The following GALNT14 variants were observed in gnomAD, a reference collection of about 807,000 sequenced individuals.
The protein encoded by GALNT14 is polypeptide N-acetylgalactosaminyltransferase 14.
Under a neutral mutation model 77.5 loss-of-function variants are expected in GALNT14, and 60 were observed. The observed-to-expected ratio is 0.77, with a 90% CI of 0.63 to 0.96. GALNT14 has a LOEUF of 0.96. Among genes scored for constraint, GALNT14 ranks in the 40% least tolerant of loss-of-function variants. GALNT14 has a pLI of 0.00. For synonymous variants in GALNT14, 280 were observed against 281.7 expected (o/e 0.99, Z 0.06); for missense variants, 710 against 731.0 (o/e 0.97, Z 0.33).
At chr2:30,937,987 C>T (rs1024267637) in intron 9 of GALNT14, among the ~76,000 whole-genome samples, 1 of 152,100 alleles carries the variant, frequency 6.6e-6, no homozygotes, top group African/African-American at 2.4e-5. Context: ...AGGATTTAAA[C>T]TGAGGCTTAC....
chr2:31,046,316 T>C (rs1472045521), intron 1 of GALNT14, among the ~76,000 whole-genome samples: 1 of 149,604 alleles, frequency 6.7e-6, no homozygotes, highest in Non-Finnish European at 1.5e-5. Context: ...AACCTCCACC[T>C]CCTGGGTTCA....
intron 13 of GALNT14, among the ~76,000 whole-genome samples, chr2:30,921,196 C>T (rs1451070262): frequency 6.6e-6 from 1 of 152,132 alleles, no homozygotes. Context: ...AGAGACCTGG[C>T]TCCTCTTCTC....
At chr2:30,965,109 G>C (rs949856439) in intron 3 of GALNT14, among the ~76,000 whole-genome samples, 1 of 152,080 alleles carries the variant, frequency 6.6e-6, no homozygotes, top group Non-Finnish European at 1.5e-5. Flanking sequence ...CGTGGCTGTG[G>C]CATTCCTGGC....
the GALNT14 span, among the ~76,000 whole-genome samples, chr2:30,887,729 CTT>C: frequency 6.6e-6 from 1 of 152,130 alleles, no homozygotes; most frequent in Admixed American, 6.5e-5. Flanking sequence ...CAATTTATCT[CTT>C]TTTTCTCTTG....
chr2:31,106,737 T>A (rs1677576458), intron 1 of GALNT14, among the ~76,000 whole-genome samples: 1 of 152,202 alleles, frequency 6.6e-6, no homozygotes, highest in Admixed American at 6.5e-5. Context: ...GTTCCTTATT[T>A]GGGGGTAATT....
chr2:31,046,949 C>T (rs1673505579), intron 1 of GALNT14, among the ~76,000 whole-genome samples: 1 of 152,136 alleles, frequency 6.6e-6, no homozygotes, highest in Non-Finnish European at 1.5e-5. Context: ...ATCAAAATCT[C>T]CTTTTACAGG....
rs535682816 is a variant in GALNT14 at position 31,010,750 on chromosome 2, C to G, written c.130-17743G>C. 3.2e-4 allele frequency among the ~76,000 whole-genome samples: 48 copies of G among 152,320 alleles called. No individual in the cohort carries two copies. In the South Asian group the frequency reaches 9.9e-3, roughly 32 times the overall value. Reference sequence around the variant, plus strand: ...CTGATCAGAACCTGCAAACTCTCCACACTTACCCCTCCCCATCCCTCTTAG... The same window carrying G: ...CTGATCAGAACCTGCAAACTCTCCAGACTTACCCCTCCCCATCCCTCTTAG... On this transcript the variant is annotated intron_variant, in intron 1 of 14. Coordinates refer to ENST00000349752, the MANE Select transcript of GALNT14 (RefSeq NM_024572.4).
In GALNT14 at chr2:31,137,068, C is replaced by T. The variant is rs574272918; in HGVS notation, c.129+890G>A. On this transcript the variant is annotated intron_variant, in intron 1 of 14. Transcript: ENST00000349752. The stretch of plus-strand genomic sequence containing the variant: ...TCCCCCAGAGGCCTCCTTCCGTGTC[C>T]CCGGGCCAAATCTGTGAAGAGAAAA... Among the ~76,000 whole-genome samples the T allele has an allele frequency of 1.5e-4, 23 of 152,300 alleles. No homozygotes were observed. The East Asian group carries it at 4.2e-3, about 28-fold the overall frequency.
At chr2:30,889,669 C>A in the GALNT14 span, among the ~76,000 whole-genome samples, 4 of 152,134 alleles carry the variant, frequency 2.6e-5, no homozygotes, top group Non-Finnish European at 5.9e-5. Flanking sequence ...TCAAGTTTTT[C>A]AATTTCTGGG....
intron 1 of GALNT14, among the ~76,000 whole-genome samples, chr2:31,001,678 G>T (rs918706334): frequency 6.6e-6 from 1 of 151,896 alleles, no homozygotes; most frequent in African/African-American, 2.4e-5. Context: ...GACAAGACAA[G>T]TCTACAATGT....
intron 1 of GALNT14, among the ~76,000 whole-genome samples, chr2:31,063,094 T>C (rs1674706571): frequency 6.6e-6 from 1 of 152,242 alleles, no homozygotes; most frequent in Admixed American, 6.5e-5. Context: ...TTGGCTTTTG[T>C]TGCAATTGCT....
At chr2:30,946,553 C>T (rs1292717579) in intron 6 of GALNT14, among the ~76,000 whole-genome samples, 1 of 152,168 alleles carries the variant, frequency 6.6e-6, no homozygotes, top group African/African-American at 2.4e-5. Flanking sequence ...GAGGTCTCCC[C>T]CGAAGCTGAA....
intron 1 of GALNT14, among the ~76,000 whole-genome samples, chr2:31,013,447 A>G (rs963220549): frequency 5.9e-5 from 9 of 152,204 alleles, no homozygotes; most frequent in Admixed American, 5.2e-4. Context: ...CAAGTCACCT[A>G]CAGAAGGGGA....
At chr2:31,026,669 C>T (rs1427830591) in intron 1 of GALNT14, among the ~76,000 whole-genome samples, 1 of 152,264 alleles carries the variant, frequency 6.6e-6, no homozygotes, top group South Asian at 2.1e-4. Context: ...CACTAACATG[C>T]GGGGAGACTG....
chr2:31,037,935 T>C (rs181353458), intron 1 of GALNT14, among the ~76,000 whole-genome samples: 1 of 151,552 alleles, frequency 6.6e-6, no homozygotes, highest in East Asian at 1.9e-4. Flanking sequence ...CTTTCCTGAG[T>C]ATGTGCACAG....
In GALNT14 at chr2:31,137,304, G is replaced by C. The variant is rs940182287; in HGVS notation, c.129+654C>G. Among the ~76,000 whole-genome samples the C allele has an allele frequency of 7.9e-5, 12 of 152,310 alleles. 1 individual carries two copies. In the South Asian group the frequency reaches 1.7e-3, roughly 21 times the overall value. On this transcript the variant is annotated intron_variant, in intron 1 of 14. Transcript: ENST00000349752. Reference sequence around the variant, plus strand: ...TCCCTCACAGGAACTGACTGAGCAGGAGTTGGAAAAGCCACTTGGATTCCC... The same window carrying C: ...TCCCTCACAGGAACTGACTGAGCAGCAGTTGGAAAAGCCACTTGGATTCCC...
At chr2:31,094,153 G>A (rs1057201748) in intron 1 of GALNT14, among the ~76,000 whole-genome samples, 6 of 152,184 alleles carry the variant, frequency 3.9e-5, no homozygotes, top group African/African-American at 1.4e-4. Context: ...CACCCTAACA[G>A]ATCAATGTAC....
intron 2 of GALNT14, among the ~76,000 whole-genome samples, chr2:30,985,515 C>T (rs889197573): frequency 1.3e-5 from 2 of 152,168 alleles, no homozygotes; most frequent in Non-Finnish European, 2.9e-5. Context: ...CCCCTGTGGC[C>T]GTTCCTCCCC....
At chr2:31,016,120 T>C (rs1367411227) in intron 1 of GALNT14, among the ~76,000 whole-genome samples, 8 of 152,142 alleles carry the variant, frequency 5.3e-5, no homozygotes, top group Non-Finnish European at 1.2e-4. Flanking sequence ...AGAAGTTTAT[T>C]TTCTCACAGC....
Sources: gnomAD v4.1 joint callset for allele counts (sites outside exome capture counted in the v4.1 genomes callset) on GRCh38, gnomAD v4.1.1 for gene constraint, MANE v1.5 for transcripts, NCBI Gene and HGNC (gene_info 2026-07-23, HGNC 2026-07-21) for gene names.